The following MED6 variants were observed in gnomAD, a reference collection of about 807,000 sequenced individuals.
MED6 encodes the protein mediator complex subunit 6, also known as mediator of RNA polymerase II transcription subunit 6.
A neutral mutation model predicts 37.5 loss-of-function variants in MED6; 33 were observed. The ratio of observed to expected loss-of-function variants is 0.88; its 90% CI spans 0.67 to 1.18. MED6 has a LOEUF of 1.18. MED6 is among the 50% of genes most tolerant of loss of function. MED6 has a pLI of 0.00. For synonymous variants in MED6, 94 were observed against 93.6 expected (o/e 1.00, Z -0.02); for missense variants, 235 against 290.6 (o/e 0.81, Z 1.39).
chr14:70,593,127 A>T lies in MED6; in HGVS notation c.358-139T>A, dbSNP rs933882579. 6 of 1,327,592 alleles carry T rather than the reference A, an allele frequency of 4.5e-6. No homozygotes were observed. The African/African-American group carries it at 8.9e-5, about 20-fold the overall frequency. The allele number at this position is 1,327,592 out of a possible 1,614,324, so 82.2% of individuals were successfully genotyped here. ...ATTACTATATAATTGAGACTATGAA[A>T]TATACTTTGAGCACCGACTTGGCTC... On this transcript the variant is annotated intron_variant, in intron 4 of 7. Transcript: ENST00000256379.
intron 3 of MED6, 147 bp downstream of exon 3, chr14:70,596,464 G>A (rs1235934815): frequency 7.1e-6 from 4 of 567,344 alleles, no homozygotes; most frequent in Non-Finnish European, 1.2e-5. Context: ...TGCTAAGTCT[G>A]GTGAGTCCTC....
Position 70,591,304 on chromosome 14 carries a change from A to G in MED6, c.544T>C (p.Leu182=). 1 of 1,612,250 alleles carries G rather than the reference A, an allele frequency of 6.2e-7. No homozygotes were observed. The change falls in exon 6 of 8, where the codon TTA becomes CTA. Residue 182 remains leucine, a synonymous_variant. Transcript: ENST00000256379. Reference sequence around the variant, plus strand: ...GGTGGAAATTTTTGTCTGAGGTCTAAAAGTAAAGCATCCACACGTTGTCTC... The same window carrying G: ...GGTGGAAATTTTTGTCTGAGGTCTAGAAGTAAAGCATCCACACGTTGTCTC... ...FQRQRVDALL[L]DLRQKFPPKF... is the part of the protein sequence containing the mutation.
intron 3 of MED6, chr14:70,595,285 C>G (rs1450249151): frequency 5.5e-6 from 3 of 548,622 alleles, no homozygotes; most frequent in Non-Finnish European, 1.1e-5. Flanking sequence ...TCGCCAAGAT[C>G]ACAGGAGACA....
chr14:70,589,229 C>T (rs1884802306), intron 6 of MED6, among the ~76,000 whole-genome samples: 1 of 152,186 alleles, frequency 6.6e-6, no homozygotes, highest in Non-Finnish European at 1.5e-5. Context: ...AATCCAACCA[C>T]CAAATTAAAG....
rs1358475702 is a variant in MED6 at position 70,591,315 on chromosome 14, T to A, written c.533A>T (p.Asp178Val). The change falls in exon 6 of 8, where the codon GAT becomes GTT. Residue 178 changes from aspartate (D) to valine (V), a missense_variant. Physicochemically the swap from Asp to Val is radical, Grantham distance 152. Coordinates refer to ENST00000256379, the MANE Select transcript of MED6 (RefSeq NM_005466.4). ...PSSIFQRQRV[D>V]ALLLDLRQKF... ...TTGTCTGAGGTCTAAAAGTAAAGCATCCACACGTTGTCTCTGAAAAATAGA... is the reference window on the plus strand; with the variant it reads ...TTGTCTGAGGTCTAAAAGTAAAGCAACCACACGTTGTCTCTGAAAAATAGA... 1 of 1,611,944 alleles carries A rather than the reference T, an allele frequency of 6.2e-7. No homozygotes were observed. Among genetic ancestry groups the A allele is most frequent in the East Asian group, 2.2e-5 (1 of 44,710 alleles).
chr14:70,588,930 T>C (rs910640826), intron 6 of MED6, among the ~76,000 whole-genome samples: 6 of 152,108 alleles, frequency 3.9e-5, no homozygotes, highest in African/African-American at 1.2e-4. Context: ...TTGAGCTTTC[T>C]ATAACGTCTA....
At chr14:70,598,234 T>C (rs551108496) in intron 1 of MED6, among the ~76,000 whole-genome samples, 1 of 151,706 alleles carries the variant, frequency 6.6e-6, no homozygotes, top group South Asian at 2.1e-4. Flanking sequence ...GTCTCGGAGA[T>C]TGTGGTGAGA....
chr14:70,588,752 GT>G (rs775377892), intron 6 of MED6, among the ~76,000 whole-genome samples: 65 of 149,888 alleles, frequency 4.3e-4, no homozygotes, highest in Non-Finnish European at 8.4e-4. Flanking sequence ...TTGGGAGGAA[GT>G]AGGGGAAGAA....
chr14:70,591,458 C>A, intron 5 of MED6, 77 bp from the exon 6 acceptor site: 1 of 1,103,184 alleles, frequency 9.1e-7, no homozygotes, highest in Non-Finnish European at 1.3e-6. Context: ...CTTTATCCAC[C>A]ATGAATATAC....
At chr14:70,597,520 A>G (rs1885079320) in intron 2 of MED6, 98 bp downstream of exon 2, 5 of 1,101,918 alleles carry the variant, frequency 4.5e-6, no homozygotes, top group Admixed American at 6.4e-5. Context: ...TTTTTCTTCT[A>G]AAAGTTCTAC....
chr14:70,583,437 A>G lies in MED6; in HGVS notation c.*1376T>C, dbSNP rs994657728. 2.0e-5 allele frequency: 3 copies of G among 152,232 alleles called. No individual in the cohort carries two copies. The highest frequency in any genetic ancestry group is 4.8e-5 in the African/African-American group (2 of 41,456). 9.4% of individuals were successfully genotyped at this position (152,232 alleles called of 1,614,324 possible). ...GTAGCAATTCTGGAAAACCTGATAC[A>G]TACTTTCAAACTTCGCTGTTTGAGT... is the stretch of plus-strand genomic sequence containing the variant. On this transcript the variant is annotated 3_prime_UTR_variant, in exon 8 of 8. Coordinates refer to ENST00000256379, the MANE Select transcript of MED6 (RefSeq NM_005466.4).
chr14:70,593,687 T>G (rs957846059), intron 3 of MED6, among the ~76,000 whole-genome samples: 2 of 152,212 alleles, frequency 1.3e-5, no homozygotes, highest in Admixed American at 1.3e-4. Context: ...AATTTTAATG[T>G]GCATCTGAAT....
In MED6 at chr14:70,597,882, G is replaced by T; in HGVS notation, c.23-105C>A. The T allele has an allele frequency of 9.4e-6, 8 of 847,012 alleles. No homozygotes were observed. The South Asian group carries it at 1.5e-4, about 15-fold the overall frequency. 52.5% of individuals were successfully genotyped at this position (847,012 alleles called of 1,614,324 possible). On this transcript the variant is annotated intron_variant, in intron 1 of 7. Coordinates refer to ENST00000256379, the MANE Select transcript of MED6 (RefSeq NM_005466.4). ...ATGTAGTAGGCACTATGAATATAAGGATGACATAGATCCTAACCAACACAC... is the reference window on the plus strand; with the variant it reads ...ATGTAGTAGGCACTATGAATATAAGTATGACATAGATCCTAACCAACACAC...
intron 7 of MED6, 152 bp from the exon 8 acceptor site, chr14:70,585,095 G>T: frequency 1.1e-6 from 1 of 896,966 alleles, no homozygotes; most frequent in Non-Finnish European, 1.7e-6. Context: ...ATGTATACAA[G>T]AACCCAGTTA....
rs189406125 is a variant in MED6 at position 70,583,759 on chromosome 14, T to C, written c.*1054A>G. 8.3e-5 allele frequency: 18 copies of C among 216,070 alleles called. No homozygotes were observed. In the East Asian group the frequency reaches 1.6e-3, roughly 19 times the overall value. 13.4% of individuals were successfully genotyped at this position (216,070 alleles called of 1,614,324 possible). ...CATGGGGAAAAGCTTACAACAGATATAATAAAGTAAAATTGTACGAAAGGA... is the reference window on the plus strand; with the variant it reads ...CATGGGGAAAAGCTTACAACAGATACAATAAAGTAAAATTGTACGAAAGGA... On this transcript the variant is annotated 3_prime_UTR_variant, in exon 8 of 8. Coordinates refer to ENST00000256379, the MANE Select transcript of MED6 (RefSeq NM_005466.4).
At chr14:70,586,756 T>C (rs1467920946) in intron 6 of MED6, among the ~76,000 whole-genome samples, 1 of 152,188 alleles carries the variant, frequency 6.6e-6, no homozygotes, top group Non-Finnish European at 1.5e-5. Flanking sequence ...AACTGCCAAC[T>C]ATCCTACTCC....
At chr14:70,591,470 C>T in intron 5 of MED6, 89 bp from the exon 6 acceptor site, 3 of 975,702 alleles carry the variant, frequency 3.1e-6, no homozygotes, top group Non-Finnish European at 4.7e-6. Flanking sequence ...TGAATATACC[C>T]AAACTTCATT....
rs1341201831 is a variant in MED6 at position 70,600,612 on chromosome 14, A to G, written c.22+4T>C. 2.5e-6 allele frequency: 4 copies of G among 1,613,350 alleles called. No individual in the cohort carries two copies. In the African/African-American group the frequency reaches 4.0e-5, roughly 16 times the overall value. ...AAGAGACAAAATATAGCAATACAGT[A>G]TACCTCGGATATCCACCGCCGCCAT... On this transcript the variant is annotated splice_donor_region_variant and intron_variant, in intron 1 of 7. Coordinates refer to ENST00000256379, the MANE Select transcript of MED6 (RefSeq NM_005466.4).
intron 6 of MED6, among the ~76,000 whole-genome samples, chr14:70,588,251 T>G (rs957107726): frequency 2.0e-5 from 3 of 152,174 alleles, no homozygotes; most frequent in African/African-American, 7.2e-5. Flanking sequence ...TACTCTATCT[T>G]TGGGAGTTGG....
Sources: gnomAD v4.1 joint callset for allele counts (sites outside exome capture counted in the v4.1 genomes callset) on GRCh38, gnomAD v4.1.1 for gene constraint, MANE v1.5 for transcripts, NCBI Gene and HGNC (gene_info 2026-07-23, HGNC 2026-07-21) for gene names.